The following COL6A6 variants were observed in gnomAD, a reference collection of about 807,000 sequenced individuals.
The protein encoded by COL6A6 is collagen alpha-6(VI) chain.
COL6A6 carries 183 observed loss-of-function variants against 208.6 expected under a neutral mutation model. The observed-to-expected ratio is 0.88, with a 90% CI of 0.78 to 0.99. The LOEUF is 0.99. Ranked by LOEUF, COL6A6 falls within the 50% of genes least tolerant of loss-of-function variation. The pLI is 0.00. For missense variants in COL6A6, 2,816 were observed against 2,815.2 expected (o/e 1.00, Z -0.01); for synonymous variants, 973 against 1,011.8 (o/e 0.96, Z 0.73).
chr3:130,565,732 T>C (rs1410916926), intron 4 of COL6A6, 118 bp downstream of exon 4: 1 of 1,217,650 alleles, frequency 8.2e-7, no homozygotes, highest in African/African-American at 1.5e-5. Context: ...AAGTTCCTAA[T>C]TCTTTTACTT....
intron 1 of COL6A6, among the ~76,000 whole-genome samples, chr3:130,551,513 C>T (rs1472980030): frequency 2.0e-5 from 3 of 151,844 alleles, no homozygotes; most frequent in African/African-American, 4.8e-5. Context: ...GTAATGCCCA[C>T]GTTTTCATGT....
intron 29 of COL6A6, among the ~76,000 whole-genome samples, chr3:130,642,002 A>G (rs6791470): frequency 6.6e-6 from 1 of 152,110 alleles, no homozygotes; most frequent in South Asian, 2.1e-4. Context: ...CAATCTTTCT[A>G]TATGTAATAA....
intron 32 of COL6A6, among the ~76,000 whole-genome samples, chr3:130,646,112 T>G (rs1305154147): frequency 6.6e-6 from 1 of 152,132 alleles, no homozygotes; most frequent in Non-Finnish European, 1.5e-5. Context: ...ACCTGCACAT[T>G]GTGCACATGT....
At chr3:130,601,060 T>C (rs1560050931) in intron 20 of COL6A6, among the ~76,000 whole-genome samples, 1 of 152,152 alleles carries the variant, frequency 6.6e-6, no homozygotes, top group African/African-American at 2.4e-5. Flanking sequence ...ACAGAGATGA[T>C]AAAATATTCA....
chr3:130,566,560 A>T (rs1258838211), intron 4 of COL6A6, 142 bp from the exon 5 acceptor site: 2 of 655,606 alleles, frequency 3.1e-6, no homozygotes, highest in Non-Finnish European at 5.1e-6. Context: ...ATTTTAAGCT[A>T]ACAAAGCATG....
intron 22 of COL6A6, among the ~76,000 whole-genome samples, chr3:130,610,254 T>A: frequency 6.6e-6 from 1 of 152,238 alleles, no homozygotes; most frequent in East Asian, 1.9e-4. Context: ...ATATCTTGTT[T>A]ATGACCAGTC....
intron 31 of COL6A6, among the ~76,000 whole-genome samples, chr3:130,643,640 A>T (rs2065381735): frequency 6.6e-6 from 1 of 152,220 alleles, no homozygotes; most frequent in Admixed American, 6.5e-5. Flanking sequence ...AGCTTGTTCT[A>T]TCAAAATATG....
chr3:130,567,253 A>G lies in COL6A6; in HGVS notation c.1834A>G (p.Thr612Ala). ...IRNQVVQEIC[T>A]EEACKEMKAD... Reference sequence around the variant, plus strand: ...AAACCAAGTTGTTCAAGAAATCTGTACTGAAGAAGGTAAGAGAAATCGTGG... The same window carrying G: ...AAACCAAGTTGTTCAAGAAATCTGTGCTGAAGAAGGTAAGAGAAATCGTGG... The change falls in exon 5 of 37, where the codon ACT (threonine) becomes GCT (alanine). Residue 612 changes from threonine to alanine, a missense_variant. Physicochemically the swap from Thr to Ala is moderately conservative, Grantham distance 58. Coordinates refer to ENST00000358511, the MANE Select transcript of COL6A6 (RefSeq NM_001102608.3). The G allele has an allele frequency of 6.2e-7, 1 of 1,606,148 alleles. No homozygotes were observed. Among genetic ancestry groups the G allele is most frequent in the Non-Finnish European group, 8.5e-7 (1 of 1,175,178 alleles).
At position 130,586,666 on chromosome 3, in the gene COL6A6, T is replaced by C; in HGVS notation, c.4125+6T>C. On this transcript the variant is annotated splice_donor_region_variant and intron_variant, in intron 11 of 36. Coordinates refer to ENST00000358511, the MANE Select transcript of COL6A6 (RefSeq NM_001102608.3). The stretch of plus-strand genomic sequence containing the variant: ...GCCGGCTGTCAAAGCAGCTGGTAAG[T>C]TATTCTGAAAAGGCTGGTGAGCTTA... The C allele has an allele frequency of 6.2e-7, 1 of 1,610,404 alleles. No homozygotes were observed. The highest frequency in any genetic ancestry group is 8.5e-7 in the Non-Finnish European group (1 of 1,178,680).
chr3:130,561,072 A>G (rs1245300686), intron 2 of COL6A6, among the ~76,000 whole-genome samples: 1 of 152,154 alleles, frequency 6.6e-6, no homozygotes, highest in Middle Eastern at 3.2e-3. Context: ...TCTTCCTTTG[A>G]TGTATCTCTA....
At chr3:130,593,174 A>G (rs746329514) in intron 16 of COL6A6, 25 bp from the exon 17 acceptor site, 1 of 1,612,556 alleles carries the variant, frequency 6.2e-7, no homozygotes, top group Non-Finnish European at 8.5e-7. Flanking sequence ...AATTCTATTA[A>G]TAGCTTTCCC....
rs1333354729 is a variant in COL6A6 at position 130,661,755 on chromosome 3, C to A, written c.5949C>A (p.Asp1983Glu). 9.9e-6 allele frequency: 16 copies of A among 1,613,782 alleles called. No homozygotes were observed. Among genetic ancestry groups the A allele is most frequent in the Non-Finnish European group, 1.4e-5 (16 of 1,179,880 alleles). The change falls in exon 35 of 37, where the codon GAC becomes GAA. Residue 1983 changes from aspartate to glutamate, a missense_variant. Asp to Glu is a conservative substitution (Grantham distance 45). Transcript: ENST00000358511. ...SRNMGSAEFE[D>E]IRAFLGALLD... ...ACATGGGAAGTGCTGAATTTGAAGACATAAGAGCCTTCCTTGGAGCACTAT... is the reference window on the plus strand; with the variant it reads ...ACATGGGAAGTGCTGAATTTGAAGAAATAAGAGCCTTCCTTGGAGCACTAT...
At chr3:130,528,367 G>A (rs528508102) in intron 1 of COL6A6, among the ~76,000 whole-genome samples, 23 of 152,282 alleles carry the variant, frequency 1.5e-4, no homozygotes, top group African/African-American at 5.3e-4. Flanking sequence ...AGGTGATCCT[G>A]CATTTCTGAT....
chr3:130,560,149 G>A (rs189527740), intron 1 of COL6A6, among the ~76,000 whole-genome samples, 185 bp from the exon 2 acceptor site: 7 of 152,210 alleles, frequency 4.6e-5, no homozygotes, highest in South Asian at 2.1e-4. Context: ...AAACTCTTAC[G>A]ACTTTGTAAA....
intron 18 of COL6A6, among the ~76,000 whole-genome samples, chr3:130,597,607 A>G (rs2063888045): frequency 6.6e-6 from 1 of 152,234 alleles, no homozygotes; most frequent in Non-Finnish European, 1.5e-5. Flanking sequence ...GACTAGCTCA[A>G]CTGATTGTCT....
chr3:130,663,431 C>G (rs1301765072), intron 35 of COL6A6, among the ~76,000 whole-genome samples: 2 of 151,962 alleles, frequency 1.3e-5, no homozygotes, highest in Non-Finnish European at 2.9e-5. Context: ...GAACAATAAG[C>G]CCCCAGAATG....
intron 36 of COL6A6, among the ~76,000 whole-genome samples, chr3:130,668,491 T>A (rs2066131496): frequency 6.6e-6 from 1 of 151,602 alleles, no homozygotes; most frequent in African/African-American, 2.4e-5. Flanking sequence ...AAAAATAAAA[T>A]CTAGCTTCAA....
At position 130,571,005 on chromosome 3, in the gene COL6A6, G is replaced by A; in HGVS notation, c.2589G>A (p.Leu863=). The A allele has an allele frequency of 1.2e-6, 2 of 1,613,992 alleles. No homozygotes were observed. The highest frequency in any genetic ancestry group is 1.7e-6 in the Non-Finnish European group (2 of 1,179,882). The change falls in exon 7 of 37, where the codon CTG becomes CTA. Residue 863 remains leucine (L), a synonymous_variant. Transcript: ENST00000358511. ...ATGACCCAGAGGTGCTGTTTTATCT[G>A]GATGACTTTGGCACAAAACTGGAGG... The part of the protein sequence containing the change: ...YADDPEVLFY[L]DDFGTKLEVI...
At chr3:130,673,055 T>C (rs2066261085) in intron 36 of COL6A6, among the ~76,000 whole-genome samples, 1 of 137,584 alleles carries the variant, frequency 7.3e-6, no homozygotes, top group Non-Finnish European at 1.5e-5. Flanking sequence ...GGTGGGTGCC[T>C]GTAATCCCAG....
Sources: gnomAD v4.1 joint callset for allele counts (sites outside exome capture counted in the v4.1 genomes callset) on GRCh38, gnomAD v4.1.1 for gene constraint, MANE v1.5 for transcripts, NCBI Gene and HGNC (gene_info 2026-07-23, HGNC 2026-07-21) for gene names.